The following MACROD2 variants were observed in gnomAD, a reference collection of about 807,000 sequenced individuals.
MACROD2 encodes the protein mono-ADP ribosylhydrolase 2.
A neutral mutation model predicts 70.4 loss-of-function variants in MACROD2; 36 were observed. The observed-to-expected ratio is 0.51, with a 90% CI of 0.39 to 0.68. MACROD2 has a LOEUF of 0.68. Ranked by LOEUF, MACROD2 falls within the 30% of genes least tolerant of loss-of-function variation. MACROD2 has a pLI of 0.00. For missense variants in MACROD2, 496 were observed against 538.4 expected (o/e 0.92, Z 0.78); for synonymous variants, 172 against 178.8 (o/e 0.96, Z 0.30).
At chr20:14,037,845 C>CA (rs542154412) in intron 2 of MACROD2, among the ~76,000 whole-genome samples, 44 of 149,680 alleles carry the variant, frequency 2.9e-4, no homozygotes, top group Non-Finnish European at 4.8e-4. Flanking sequence ...GTGGTCTCTA[C>CA]AAAAAAAAAC....
chr20:14,505,613 C>T (rs2084960149), intron 4 of MACROD2, among the ~76,000 whole-genome samples: 1 of 152,126 alleles, frequency 6.6e-6, no homozygotes, highest in Admixed American at 6.5e-5. Flanking sequence ...ATCAGAATTG[C>T]TTGGAGGGCT....
At chr20:14,862,813 G>A (rs746203470) in intron 5 of MACROD2, among the ~76,000 whole-genome samples, 18 of 145,050 alleles carry the variant, frequency 1.2e-4, no homozygotes, top group Non-Finnish European at 2.2e-4. Context: ...TTCCTAATGG[G>A]CACAGAATTT....
intron 3 of MACROD2, among the ~76,000 whole-genome samples, chr20:14,486,741 A>T (rs13038351): frequency 0.16 from 24,181 of 151,412 alleles, 2,186 homozygotes; most frequent in Non-Finnish European, 0.2. Flanking sequence ...GTGGTCTCAA[A>T]CTCCTGGCCT....
At chr20:14,298,310 G>A (rs897869673) in intron 3 of MACROD2, among the ~76,000 whole-genome samples, 3 of 152,002 alleles carry the variant, frequency 2.0e-5, no homozygotes, top group Middle Eastern at 6.8e-3. Flanking sequence ...GCTCACGCCT[G>A]TAATCCCAGC....
intron 7 of MACROD2, among the ~76,000 whole-genome samples, chr20:15,451,339 A>G (rs2046638059): frequency 6.7e-6 from 1 of 150,034 alleles, no homozygotes; most frequent in Non-Finnish European, 1.5e-5. Context: ...TAAAAAGCAA[A>G]CTTCAGAGCA....
intron 5 of MACROD2, among the ~76,000 whole-genome samples, chr20:15,189,549 C>G (rs890549530): frequency 6.6e-6 from 1 of 152,080 alleles, no homozygotes; most frequent in African/African-American, 2.4e-5. Flanking sequence ...TGACTTTATT[C>G]TAAAATAGGC....
chr20:15,220,791 ATGGGG>A (rs1306476524), intron 5 of MACROD2, among the ~76,000 whole-genome samples: 1 of 152,222 alleles, frequency 6.6e-6, no homozygotes, highest in Non-Finnish European at 1.5e-5. Context: ...CTCTCCAGAA[ATGGGG>A]AAAGTCCTGT....
At chr20:14,359,330 G>A (rs1252170093) in intron 3 of MACROD2, among the ~76,000 whole-genome samples, 1 of 152,140 alleles carries the variant, frequency 6.6e-6, no homozygotes, top group African/African-American at 2.4e-5. Context: ...TTGTTGATGA[G>A]GATGTGGAGC....
intron 2 of MACROD2, 101 bp from the exon 3 acceptor site, chr20:14,085,520 C>T (rs1332438838): frequency 1.8e-6 from 1 of 550,868 alleles, no homozygotes; most frequent in Non-Finnish European, 3.0e-6. Flanking sequence ...TGTAGTAGAG[C>T]ATGACACATA....
At chr20:14,096,849 C>G (rs761229057) in intron 3 of MACROD2, among the ~76,000 whole-genome samples, 3 of 152,184 alleles carry the variant, frequency 2.0e-5, no homozygotes, top group Non-Finnish European at 2.9e-5. Flanking sequence ...TTTCTCCCTT[C>G]TTGACATTTA....
intron 7 of MACROD2, among the ~76,000 whole-genome samples, chr20:15,454,466 A>C (rs2046693507): frequency 6.7e-6 from 1 of 148,458 alleles, no homozygotes; most frequent in East Asian, 2.0e-4. Flanking sequence ...CTTATTATAC[A>C]ACTTAGTTTC....
chr20:14,326,879 G>C lies in MACROD2; in HGVS notation c.272-166600G>C. 1 of 1,613,734 alleles carries C rather than the reference G, an allele frequency of 6.2e-7. No homozygotes were observed. Among genetic ancestry groups the C allele is most frequent in the Non-Finnish European group, 8.5e-7 (1 of 1,179,790 alleles). Reference sequence around the variant, plus strand: ...TCACCTAAACCATGATTGTTCAACAGGTTTCCATCTAGAACCAGGCGTTTT... The same window carrying C: ...TCACCTAAACCATGATTGTTCAACACGTTTCCATCTAGAACCAGGCGTTTT... On this transcript the variant is annotated intron_variant, in intron 3 of 17. Coordinates refer to ENST00000684519, the MANE Select transcript of MACROD2 (RefSeq NM_001351661.2). This position sits in a 1 kb window ranked among gnomAD's most constrained non-coding sequence, Gnocchi z 5.5.
chr20:14,764,129 G>A (rs1430828170), intron 5 of MACROD2, among the ~76,000 whole-genome samples: 1 of 152,056 alleles, frequency 6.6e-6, no homozygotes, highest in Non-Finnish European at 1.5e-5. Flanking sequence ...CTTATGGTGA[G>A]GCATTGGCAG....
intron 1 of MACROD2, among the ~76,000 whole-genome samples, chr20:14,000,362 G>T: frequency 6.6e-6 from 1 of 151,878 alleles, no homozygotes; most frequent in African/African-American, 2.4e-5. Context: ...TCTAGTTATA[G>T]GAGTGGGAAA....
chr20:14,909,186 G>T (rs2073995984), intron 5 of MACROD2, among the ~76,000 whole-genome samples: 1 of 152,138 alleles, frequency 6.6e-6, no homozygotes, highest in African/African-American at 2.4e-5. Context: ...CCTAAATCAG[G>T]AATTTAAGCC....
At chr20:15,291,318 G>C (rs1299171130) in intron 6 of MACROD2, among the ~76,000 whole-genome samples, 2 of 152,174 alleles carry the variant, frequency 1.3e-5, no homozygotes, top group East Asian at 1.9e-4. Context: ...TCAGCTGGCT[G>C]ACCTTTGCTG....
At chr20:15,190,177 T>C (rs777424741) in intron 5 of MACROD2, among the ~76,000 whole-genome samples, 11 of 152,236 alleles carry the variant, frequency 7.2e-5, no homozygotes, top group Non-Finnish European at 1.3e-4. Flanking sequence ...GTGTTTCTTA[T>C]TTTAAATAGA....
chr20:15,110,657 G>T (rs941583560), intron 5 of MACROD2, among the ~76,000 whole-genome samples: 1 of 152,192 alleles, frequency 6.6e-6, no homozygotes, highest in Non-Finnish European at 1.5e-5. Context: ...CCTTCACGCA[G>T]TACATGCAAC....
chr20:14,179,513 C>T (rs192978163), intron 3 of MACROD2, among the ~76,000 whole-genome samples: 1 of 152,082 alleles, frequency 6.6e-6, no homozygotes, highest in African/African-American at 2.4e-5. Flanking sequence ...GGCCATTCTC[C>T]AATTTGCCAT....
Sources: gnomAD v4.1 joint callset for allele counts (sites outside exome capture counted in the v4.1 genomes callset) on GRCh38, gnomAD v4.1.1 for gene constraint, Gnocchi (gnomAD v3.1) non-coding constraint, MANE v1.5 for transcripts, NCBI Gene and HGNC (gene_info 2026-07-23, HGNC 2026-07-21) for gene names.